The following HDAC9 variants were observed in gnomAD, a reference collection of about 807,000 sequenced individuals.
HDAC9 encodes the protein histone deacetylase 9.
In HDAC9, 41 loss-of-function variants were observed where a neutral mutation model predicts 139.4. The observed-to-expected ratio is 0.29, with a 90% CI of 0.23 to 0.38. HDAC9 has a LOEUF of 0.38. Among genes scored for constraint, HDAC9 ranks in the 10% least tolerant of loss-of-function variants. The pLI, the probability that HDAC9 is intolerant of heterozygous loss-of-function variation, is 1.00. For synonymous variants in HDAC9, 517 were observed against 476.2 expected, an observed-to-expected ratio of 1.09 and a Z score of -1.12; for missense variants, 1,147 against 1,297.0, an observed-to-expected ratio of 0.88 and a Z score of 1.78.
At chr7:18,108,822 A>T (rs540698508) in intron 1 of HDAC9, among the ~76,000 whole-genome samples, 1 of 151,958 alleles carries the variant, frequency 6.6e-6, no homozygotes, top group South Asian at 2.1e-4. Flanking sequence ...GAGTTTCACC[A>T]TGTTGGTCAG....
At chr7:18,390,909 T>G (rs1370760662) in intron 1 of HDAC9, among the ~76,000 whole-genome samples, 1 of 152,164 alleles carries the variant, frequency 6.6e-6, no homozygotes, top group African/African-American at 2.4e-5. Context: ...GCTAACATGA[T>G]GAGATCCTGT....
chr7:18,822,138 A>G (rs1585100251), intron 17 of HDAC9, among the ~76,000 whole-genome samples: 1 of 151,950 alleles, frequency 6.6e-6, no homozygotes, highest in South Asian at 2.1e-4. Context: ...TTGATAATCA[A>G]CTCTACCTCC....
chr7:18,254,540 T>A (rs994396068), intron 2 of HDAC9, among the ~76,000 whole-genome samples: 6 of 152,206 alleles, frequency 3.9e-5, no homozygotes, highest in Non-Finnish European at 7.3e-5. Context: ...CTCATGAATT[T>A]CCAGTTGGCT....
chr7:18,922,171 A>C (rs577661557), intron 22 of HDAC9, among the ~76,000 whole-genome samples: 1 of 152,044 alleles, frequency 6.6e-6, no homozygotes, highest in Non-Finnish European at 1.5e-5. Flanking sequence ...TGGCACATGT[A>C]TATATATGTA....
At chr7:18,789,284 A>ACGCG (rs969065928) in intron 16 of HDAC9, among the ~76,000 whole-genome samples, 32 of 139,466 alleles carry the variant, frequency 2.3e-4, no homozygotes, top group Admixed American at 5.6e-4. Flanking sequence ...AGACACATAC[A>ACGCG]CGCACACACA....
chr7:18,578,203 G>A (rs774915162), intron 2 of HDAC9: 10 of 518,844 alleles, frequency 1.9e-5, no homozygotes, highest in African/African-American at 1.9e-4. Context: ...AAAATGTTTG[G>A]GCTTTGGCTG....
intron 24 of HDAC9, among the ~76,000 whole-genome samples, chr7:18,959,278 TAATG>T (rs1474884678): frequency 6.6e-6 from 1 of 152,136 alleles, no homozygotes; most frequent in African/African-American, 2.4e-5. Flanking sequence ...TAAAAACAAA[TAATG>T]AATGATATTG....
chr7:18,810,185 G>A (rs931688667), intron 17 of HDAC9, among the ~76,000 whole-genome samples: 17 of 151,448 alleles, frequency 1.1e-4, no homozygotes, highest in African/African-American at 3.9e-4. Flanking sequence ...GCAGGGAGAA[G>A]GAAATGGAGA....
chr7:18,198,312 G>T (rs1371836733), intron 2 of HDAC9, among the ~76,000 whole-genome samples: 1 of 151,632 alleles, frequency 6.6e-6, no homozygotes, highest in Non-Finnish European at 1.5e-5. Flanking sequence ...CTGTAAAAAA[G>T]AAAAAAATAT....
chr7:18,112,552 A>C (rs1783696250), intron 1 of HDAC9, among the ~76,000 whole-genome samples: 1 of 152,216 alleles, frequency 6.6e-6, no homozygotes, highest in East Asian at 1.9e-4. Flanking sequence ...TTAATGCAAA[A>C]GAAAATATTA....
intron 2 of HDAC9, among the ~76,000 whole-genome samples, chr7:18,245,727 C>A (rs1349042597): frequency 6.6e-6 from 1 of 152,154 alleles, no homozygotes; most frequent in Non-Finnish European, 1.5e-5. Flanking sequence ...AAGTTAAATT[C>A]TCAGGAGCTT....
At chr7:18,408,312 CAATG>C (rs1788210184) in intron 1 of HDAC9, among the ~76,000 whole-genome samples, 2 of 152,034 alleles carry the variant, frequency 1.3e-5, no homozygotes, top group African/African-American at 4.8e-5. Flanking sequence ...AGAAGGCACT[CAATG>C]AAGGAAGAGA....
intron 17 of HDAC9, among the ~76,000 whole-genome samples, chr7:18,800,822 G>A (rs1029862323): frequency 6.6e-6 from 1 of 151,952 alleles, no homozygotes; most frequent in Admixed American, 6.6e-5. Flanking sequence ...GACAGAGCGA[G>A]GCCTTGTTTC....
intron 2 of HDAC9, among the ~76,000 whole-genome samples, chr7:18,211,008 C>G (rs1455444453): frequency 6.6e-6 from 1 of 152,146 alleles, no homozygotes; most frequent in Non-Finnish European, 1.5e-5. Flanking sequence ...ACCACAGTTA[C>G]TTAAAATGCA....
Position 18,524,601 on chromosome 7 carries a change from A to T in HDAC9, c.22+28277A>T, listed in dbSNP as rs888964470. Among the ~76,000 whole-genome samples the T allele has an allele frequency of 3.9e-4, 59 of 152,160 alleles. 1 individual carries two copies. The highest frequency in any genetic ancestry group is 4.0e-4 in the Non-Finnish European group (27 of 68,012). ...AATAGCATAACGTTTAAAAACAAAA[A>T]TTTTATTGAAAATAAAGTTTATGTT... On this transcript the variant is annotated intron_variant, in intron 2 of 25. Transcript: ENST00000686413.
At chr7:18,993,685 C>G in intron 25 of HDAC9, among the ~76,000 whole-genome samples, 1 of 151,908 alleles carries the variant, frequency 6.6e-6, no homozygotes, top group East Asian at 1.9e-4. Context: ...TGCCTGTAGT[C>G]TCAGCTATTC....
intron 1 of HDAC9, among the ~76,000 whole-genome samples, chr7:18,393,993 G>A (rs1786788423): frequency 6.6e-6 from 1 of 152,092 alleles, no homozygotes; most frequent in Non-Finnish European, 1.5e-5. Context: ...GACAATAGAA[G>A]GCAGTCTGTT....
chr7:18,402,668 T>C (rs182681716), intron 1 of HDAC9, among the ~76,000 whole-genome samples: 1 of 152,278 alleles, frequency 6.6e-6, no homozygotes, highest in Admixed American at 6.5e-5. Flanking sequence ...GAACTCACTC[T>C]GGTAGCAGTG....
chr7:18,977,012 C>A (rs1045685332), intron 25 of HDAC9, among the ~76,000 whole-genome samples: 1 of 152,148 alleles, frequency 6.6e-6, no homozygotes, highest in African/African-American at 2.4e-5. Context: ...GATTTAACAT[C>A]TTGTTTTGGC....
Sources: gnomAD v4.1 joint callset for allele counts (sites outside exome capture counted in the v4.1 genomes callset) on GRCh38, gnomAD v4.1.1 for gene constraint, MANE v1.5 for transcripts, NCBI Gene and HGNC (gene_info 2026-07-23, HGNC 2026-07-21) for gene names.